Variants in NALF1 observed in about 807,000 individuals in gnomAD.
The protein encoded by NALF1 is family with sequence similarity 155 member A.
A neutral mutation model predicts 48.4 loss-of-function variants in NALF1; 3 were observed. That is an observed-to-expected ratio of 0.06 (90% CI 0.03 to 0.16). NALF1 has a LOEUF of 0.16. Ranked by LOEUF, NALF1 falls within the 10% of genes least tolerant of loss-of-function variation. The pLI is 1.00. For missense variants in NALF1, 526 were observed against 571.5 expected (o/e 0.92, Z 0.81); for synonymous variants, 262 against 245.7 (o/e 1.07, Z -0.62).
chr13:107,758,302 A>C (rs1434318535), intron 1 of NALF1, among the ~76,000 whole-genome samples: 1 of 152,236 alleles, frequency 6.6e-6, no homozygotes. Context: ...ATGTTTATCC[A>C]TGTATGTATT....
chr13:107,334,456 T>TC (rs1287418385), intron 1 of NALF1, among the ~76,000 whole-genome samples: 3 of 152,150 alleles, frequency 2.0e-5, no homozygotes, highest in Non-Finnish European at 2.9e-5. Flanking sequence ...TCTAGAAGGA[T>TC]CCTTCATATC....
At chr13:107,379,172 A>G (rs1195148150) in intron 1 of NALF1, among the ~76,000 whole-genome samples, 1 of 152,168 alleles carries the variant, frequency 6.6e-6, no homozygotes, top group Non-Finnish European at 1.5e-5. Context: ...GGGTTGGCAG[A>G]TTCCATTTCT....
intron 1 of NALF1, among the ~76,000 whole-genome samples, chr13:107,221,867 G>C (rs1354875197): frequency 1.3e-5 from 2 of 152,200 alleles, no homozygotes; most frequent in Non-Finnish European, 2.9e-5. Flanking sequence ...GATACTGTAA[G>C]TGTAGAGTTG....
chr13:107,854,527 T>C (rs1880395107), intron 1 of NALF1, among the ~76,000 whole-genome samples: 1 of 152,232 alleles, frequency 6.6e-6, no homozygotes, highest in Non-Finnish European at 1.5e-5. Context: ...TGCAGCTATC[T>C]AGGGTCACTG....
Position 107,725,295 on chromosome 13 carries a change from C to CT in NALF1, c.915+140386dup, listed in dbSNP as rs540083772. 4.7e-3 allele frequency among the ~76,000 whole-genome samples: 712 copies of CT among 152,218 alleles called. 3 individuals are homozygous for CT. Among genetic ancestry groups the CT allele is most frequent in the African/African-American group, 0.016 (666 of 41,538 alleles). ...GTGGACTACATTTTAACCTACTAAA[C>CT]TTTTTTTAAAATTCTAATTGCCCAG... On this transcript the variant is annotated intron_variant, in intron 1 of 2. Transcript: ENST00000375915.
At chr13:107,387,726 G>A (rs1051673669) in intron 1 of NALF1, among the ~76,000 whole-genome samples, 2 of 152,196 alleles carry the variant, frequency 1.3e-5, no homozygotes, top group African/African-American at 4.8e-5. Context: ...AGTGCTGACT[G>A]TGCAAGCCCA....
chr13:107,746,383 T>C (rs963914273), intron 1 of NALF1, among the ~76,000 whole-genome samples: 10 of 152,206 alleles, frequency 6.6e-5, no homozygotes, highest in African/African-American at 2.4e-4. Flanking sequence ...TAAATATCGA[T>C]AACTGAATCT....
At chr13:107,571,861 A>C (rs1457039114) in intron 1 of NALF1, among the ~76,000 whole-genome samples, 1 of 152,196 alleles carries the variant, frequency 6.6e-6, no homozygotes, top group Non-Finnish European at 1.5e-5. Flanking sequence ...TGGTTTCTAT[A>C]TGAGTAGAAG....
In NALF1 at chr13:107,602,994, G is replaced by A. The variant is rs553501767; in HGVS notation, c.915+262688C>T. On this transcript the variant is annotated intron_variant, in intron 1 of 2. Coordinates refer to ENST00000375915, the MANE Select transcript of NALF1 (RefSeq NM_001080396.3). ...GCAATTTCGCAGCTCTCTTAACATAGACAGACTCTCTGGTCTCAGTCATGT... is the reference window on the plus strand; with the variant it reads ...GCAATTTCGCAGCTCTCTTAACATAAACAGACTCTCTGGTCTCAGTCATGT... Among the ~76,000 whole-genome samples, 28 of 152,156 alleles carry A rather than the reference G, an allele frequency of 1.8e-4. No homozygotes were observed. The South Asian group carries it at 5.2e-3, about 28-fold the overall frequency.
intron 1 of NALF1, among the ~76,000 whole-genome samples, chr13:107,676,600 TAATTTAATTAATTTAATTAATTA>T (rs1217611543): frequency 4.0e-5 from 4 of 101,226 alleles, no homozygotes; most frequent in Non-Finnish European, 6.4e-5. Context: ...TAAATTAATT[TAATTTAATTAATTTAATTAATTA>T]AATTAAATTG....
intron 1 of NALF1, among the ~76,000 whole-genome samples, chr13:107,758,081 G>C (rs1877165036): frequency 6.6e-6 from 1 of 152,114 alleles, no homozygotes; most frequent in Non-Finnish European, 1.5e-5. Flanking sequence ...AGTGACAAGA[G>C]AAAAGTAACA....
intron 1 of NALF1, among the ~76,000 whole-genome samples, chr13:107,262,476 T>A (rs1188806310): frequency 6.6e-6 from 1 of 152,170 alleles, no homozygotes. Flanking sequence ...TGTTGGACGA[T>A]GCTTATACTA....
At chr13:107,608,230 G>T (rs1327014146) in intron 1 of NALF1, among the ~76,000 whole-genome samples, 1 of 152,104 alleles carries the variant, frequency 6.6e-6, no homozygotes, top group Non-Finnish European at 1.5e-5. Context: ...ATGCCGTTGG[G>T]ATCCAGACAT....
intron 1 of NALF1, among the ~76,000 whole-genome samples, chr13:107,641,844 T>TAC (rs1320927533): frequency 6.6e-6 from 1 of 152,136 alleles, no homozygotes; most frequent in Non-Finnish European, 1.5e-5. Context: ...CACCACATGG[T>TAC]ACTTCTCAAG....
chr13:107,573,989 TC>T (rs1878063225), intron 1 of NALF1, among the ~76,000 whole-genome samples: 1 of 152,132 alleles, frequency 6.6e-6, no homozygotes, highest in Non-Finnish European at 1.5e-5. Context: ...CCCCCATCGC[TC>T]TTTCTTGCTA....
rs186874338 is a variant in NALF1 at position 107,170,234 on chromosome 13, A to T, written c.*263T>A. The T allele has an allele frequency of 2.7e-6, 1 of 370,634 alleles. No homozygotes were observed. The highest frequency in any genetic ancestry group is 4.9e-6 in the Non-Finnish European group (1 of 205,346). 23.0% of individuals were successfully genotyped at this position (370,634 alleles called of 1,614,324 possible). Reference sequence around the variant, plus strand: ...AACAAACAAATAAACCCAAACCAAAACGAAAGCAAATAAAACCTCCAAACA... The same window carrying T: ...AACAAACAAATAAACCCAAACCAAATCGAAAGCAAATAAAACCTCCAAACA... On this transcript the variant is annotated 3_prime_UTR_variant, in exon 3 of 3. Transcript: ENST00000375915.
chr13:107,176,316 G>GTTTTTTTTTTTT (rs5806633), intron 2 of NALF1, among the ~76,000 whole-genome samples: 1 of 123,604 alleles, frequency 8.1e-6, no homozygotes, highest in East Asian at 2.3e-4. Flanking sequence ...CAACCTCACA[G>GTTTTTTTTTTTT]TTTTTTTTTT....
rs1326396750 is a variant in NALF1 at position 107,555,704 on chromosome 13, C to G, written c.915+309978G>C. ...AACTTTTTTCTGCTTATTCAAATTG[C>G]TTTATTGTTAATCAGTGCATCATTT... On this transcript the variant is annotated intron_variant, in intron 1 of 2. Transcript: ENST00000375915. Among the ~76,000 whole-genome samples the G allele has an allele frequency of 4.6e-5, 7 of 151,794 alleles. No individual in the cohort carries two copies. The South Asian group carries it at 1.2e-3, about 27-fold the overall frequency.
intron 1 of NALF1, among the ~76,000 whole-genome samples, chr13:107,682,301 C>T (rs1881326906): frequency 6.6e-6 from 1 of 152,184 alleles, no homozygotes; most frequent in African/African-American, 2.4e-5. Flanking sequence ...ATGGCGATGT[C>T]ATCTATAAGG....
Sources: allele counts gnomAD v4.1 joint callset (sites outside exome capture counted in the v4.1 genomes callset), GRCh38; gene constraint gnomAD v4.1.1; transcripts MANE v1.5; gene names NCBI Gene and HGNC (gene_info 2026-07-23, HGNC 2026-07-21).